Variants in MTMR12 observed in about 807,000 individuals in gnomAD.
The protein encoded by MTMR12 is myotubularin-related protein 12.
A neutral mutation model predicts 96.7 loss-of-function variants in MTMR12; 33 were observed. The ratio of observed to expected loss-of-function variants is 0.34; its 90% CI spans 0.26 to 0.46. The LOEUF is 0.46. Ranked by LOEUF, MTMR12 falls within the 20% of genes least tolerant of loss-of-function variation. MTMR12 has a pLI of 1.00. For synonymous variants in MTMR12, 298 were observed against 327.2 expected (o/e 0.91, Z 0.96); for missense variants, 721 against 896.1 (o/e 0.80, Z 2.49).
chr5:32,263,087 GC>G (rs757918131), intron 7 of MTMR12, 25 bp downstream of exon 7: 60 of 1,613,194 alleles, frequency 3.7e-5, no homozygotes, highest in Middle Eastern at 3.3e-4. Flanking sequence ...GAATTGTACA[GC>G]ATGTGCCCAG....
In MTMR12 at chr5:32,235,023, A is replaced by G; in HGVS notation, c.1451T>C (p.Leu484Pro). Reference protein sequence around the residue: ...ETYLTVLSDSLYIPIFSTFFF... With the variant: ...ETYLTVLSDSPYIPIFSTFFF... ...GAAGGTGCTAAAAATAGGTATATAC[A>G]GGCTATCTGACAAAACAGTCAGGTA... Residue 484 changes from leucine (L) to proline (P), a missense_variant, in exon 14 of 16, where the codon CTG (leucine) becomes CCG (proline). By Grantham distance (98) the Leu-to-Pro change is moderately conservative. Transcript: ENST00000382142. The G allele has an allele frequency of 6.2e-7, 1 of 1,613,936 alleles. No homozygotes were observed. The highest frequency in any genetic ancestry group is 8.5e-7 in the Non-Finnish European group (1 of 1,179,772).
chr5:32,271,849 A>C lies in MTMR12; in HGVS notation c.342T>G (p.Val114=), dbSNP rs1215032235. The C allele has an allele frequency of 6.3e-7, 1 of 1,581,290 alleles. No individual in the cohort carries two copies. The highest frequency in any genetic ancestry group is 1.7e-5 in the Admixed American group (1 of 57,310). Residue 114 remains valine, a synonymous_variant, in exon 4 of 16, where the codon GTT becomes GTG. Coordinates refer to ENST00000382142, the MANE Select transcript of MTMR12 (RefSeq NM_001040446.3). Reference sequence around the variant, plus strand: ...GATACTTACCTCCATAAATCTGATCAACACAGTGGAGTGTAATGTCATTTT... The same window carrying C: ...GATACTTACCTCCATAAATCTGATCCACACAGTGGAGTGTAATGTCATTTT... ...IGENDITLHC[V]DQIYGVFDEK...
intron 1 of MTMR12, among the ~76,000 whole-genome samples, chr5:32,301,031 C>T (rs185444362): frequency 1.3e-3 from 204 of 152,052 alleles, no homozygotes; most frequent in African/African-American, 4.7e-3. Flanking sequence ...GCCGAGATCT[C>T]GCCACTGCAC....
chr5:32,237,012 C>G (rs1748262593), intron 13 of MTMR12, among the ~76,000 whole-genome samples: 1 of 152,178 alleles, frequency 6.6e-6, no homozygotes, highest in African/African-American at 2.4e-5. Context: ...CAATGGGACA[C>G]AGATAAGTAC....
At chr5:32,237,145 G>A (rs920800221) in intron 13 of MTMR12, among the ~76,000 whole-genome samples, 17 of 152,236 alleles carry the variant, frequency 1.1e-4, no homozygotes, top group Admixed American at 3.3e-4. Context: ...GTGTCAAGCT[G>A]TTCTGTACCA....
At chr5:32,303,556 T>C (rs1054998809) in intron 1 of MTMR12, among the ~76,000 whole-genome samples, 6 of 152,210 alleles carry the variant, frequency 3.9e-5, no homozygotes, top group African/African-American at 1.4e-4. Context: ...TTTGAAAGCT[T>C]AGAAGACGTT....
intron 5 of MTMR12, among the ~76,000 whole-genome samples, chr5:32,269,919 T>C (rs79729145): frequency 0.018 from 2,688 of 152,318 alleles, 42 homozygotes; most frequent in East Asian, 0.071. Context: ...AGTTTCTGCC[T>C]TCTCAGGAAA....
At chr5:32,286,093 A>C (rs1750530186) in intron 1 of MTMR12, among the ~76,000 whole-genome samples, 2 of 152,118 alleles carry the variant, frequency 1.3e-5, no homozygotes, top group African/African-American at 4.8e-5. Context: ...TAATCCCAGC[A>C]CTCTGGGAGG....
At chr5:32,287,493 A>C (rs544100093) in intron 1 of MTMR12, among the ~76,000 whole-genome samples, 7 of 152,264 alleles carry the variant, frequency 4.6e-5, no homozygotes, top group African/African-American at 1.7e-4. Flanking sequence ...CTACTGTGGG[A>C]ACTTGTGATC....
At chr5:32,293,010 T>A (rs1029705602) in intron 1 of MTMR12, among the ~76,000 whole-genome samples, 1 of 152,260 alleles carries the variant, frequency 6.6e-6, no homozygotes, top group Non-Finnish European at 1.5e-5. Context: ...ATTGTTAACT[T>A]TATGTAATGG....
chr5:32,272,603 T>C (rs1749881313), intron 3 of MTMR12, among the ~76,000 whole-genome samples: 1 of 152,092 alleles, frequency 6.6e-6, no homozygotes, highest in Non-Finnish European at 1.5e-5. Flanking sequence ...GGTTTTGAAC[T>C]CCTGAGCTCA....
intron 3 of MTMR12, 66 bp from the exon 4 acceptor site, chr5:32,271,971 A>G (rs1749853734): frequency 1.0e-6 from 1 of 980,820 alleles, no homozygotes; most frequent in Non-Finnish European, 1.5e-6. Context: ...TAGGCAGAGT[A>G]AATCACCATT....
chr5:32,268,672 C>T, intron 6 of MTMR12, 29 bp downstream of exon 6: 2 of 1,583,676 alleles, frequency 1.3e-6, no homozygotes, highest in South Asian at 1.1e-5. Flanking sequence ...TTCTGCTTAC[C>T]CTCAAATTAG....
intron 1 of MTMR12, among the ~76,000 whole-genome samples, chr5:32,300,605 G>T (rs1751102826): frequency 6.6e-6 from 1 of 152,110 alleles, no homozygotes; most frequent in Non-Finnish European, 1.5e-5. Context: ...CTGCCACCCA[G>T]ATTACATCTG....
Position 32,255,057 on chromosome 5 carries a change from G to A in MTMR12, c.789+636C>T, listed in dbSNP as rs369141431. On this transcript the variant is annotated intron_variant, in intron 8 of 15. Coordinates refer to ENST00000382142, the MANE Select transcript of MTMR12 (RefSeq NM_001040446.3). The stretch of plus-strand genomic sequence containing the variant: ...TTGGACTCCATGGGCTTCTGGGCAC[G>A]TGACCCTGCTTAACCATACCTCCAC... Among the ~76,000 whole-genome samples the A allele has an allele frequency of 4.4e-4, 67 of 152,226 alleles. 1 individual carries two copies. In the East Asian group the frequency reaches 0.012, roughly 28 times the overall value.
intron 1 of MTMR12, among the ~76,000 whole-genome samples, chr5:32,293,546 A>T (rs1156487411): frequency 6.6e-6 from 1 of 151,932 alleles, no homozygotes; most frequent in Non-Finnish European, 1.5e-5. Context: ...TACTTAATAA[A>T]CTCCAGATAT....
intron 1 of MTMR12, among the ~76,000 whole-genome samples, chr5:32,306,723 G>C (rs112341123): frequency 6.6e-6 from 1 of 152,140 alleles, no homozygotes; most frequent in South Asian, 2.1e-4. Context: ...CACTGTGTCC[G>C]TGGGCAAGAT....
rs79273766 is a variant in MTMR12 at position 32,268,634 on chromosome 5, C to G, written c.583+67G>C. 6,367 of 1,329,406 alleles carry G rather than the reference C, an allele frequency of 4.8e-3. 231 individuals carry two copies. The African/African-American group carries it at 0.078, about 16-fold the overall frequency. 82.4% of individuals were successfully genotyped at this position (1,329,406 alleles called of 1,614,324 possible). A position where few individuals can be genotyped will look rare whatever the true frequency, so the allele number is the denominator to read the frequency against. ...AACAACCCATAGATGTGTTCTCCCC[C>G]ACTGGCTTCAGGTGGGAATTGGAAG... On this transcript the variant is annotated intron_variant, in intron 6 of 15. Coordinates refer to ENST00000382142, the MANE Select transcript of MTMR12 (RefSeq NM_001040446.3).
At chr5:32,268,857 A>G (rs531232705) in intron 5 of MTMR12, 63 bp from the exon 6 acceptor site, 1 of 1,367,894 alleles carries the variant, frequency 7.3e-7, no homozygotes, top group East Asian at 2.3e-5. Context: ...AACAAAGACA[A>G]GAGTCAAGGT....
Sources: gnomAD v4.1 joint callset for allele counts (sites outside exome capture counted in the v4.1 genomes callset) on GRCh38, gnomAD v4.1.1 for gene constraint, MANE v1.5 for transcripts, NCBI Gene and HGNC (gene_info 2026-07-23, HGNC 2026-07-21) for gene names.